LIN28B: variants seen among roughly 807,000 people sequenced by gnomAD.
LIN28B encodes protein lin-28 homolog B.
In LIN28B, 5 loss-of-function variants were observed where a neutral mutation model predicts 21.9. The observed-to-expected ratio is 0.23, with a 90% CI of 0.12 to 0.48. The LOEUF is 0.48. LIN28B is among the 20% of genes least tolerant of loss of function. The pLI, the probability that LIN28B is intolerant of heterozygous loss-of-function variation, is 0.98. For synonymous variants in LIN28B, 109 were observed against 111.3 expected, an observed-to-expected ratio of 0.98 and a Z score of 0.13; for missense variants, 245 against 310.5, an observed-to-expected ratio of 0.79 and a Z score of 1.58.
At chr6:105,011,003 G>A (rs1464013500) in intron 2 of LIN28B, among the ~76,000 whole-genome samples, 1 of 152,034 alleles carries the variant, frequency 6.6e-6, no homozygotes, top group Non-Finnish European at 1.5e-5. Flanking sequence ...GCTATTGTTG[G>A]GAGATAACTT....
intron 3 of LIN28B, among the ~76,000 whole-genome samples, chr6:105,049,361 G>A (rs1174095566): frequency 6.6e-6 from 1 of 152,146 alleles, no homozygotes; most frequent in Non-Finnish European, 1.5e-5. Flanking sequence ...ACTGTGGCCT[G>A]AGAGACAGTT....
rs763283560 is a variant in LIN28B, at chr6:104,958,148, G to C, written c.60G>C (p.Pro20=). 6.2e-7 allele frequency: 1 copy of C among 1,606,530 alleles called. No homozygotes were observed. The change falls in exon 2 of 4, where the codon CCG becomes CCC. Residue 20 remains proline, a synonymous_variant. Coordinates refer to ENST00000345080, the MANE Select transcript of LIN28B (RefSeq NM_001004317.4). ...GGEEPGKLPE[P]AEEESQVLRG... is the part of the protein sequence containing the mutation. ...AAGAGCCCGGGAAGCTGCCGGAGCC[G>C]GCAGAGGAGGAATCCCAGGTTTTGC...
chr6:104,994,284 G>A (rs1047486244), intron 2 of LIN28B, among the ~76,000 whole-genome samples: 4 of 152,200 alleles, frequency 2.6e-5, no homozygotes, highest in South Asian at 2.1e-4. Flanking sequence ...GATTACAGGC[G>A]TGAGCCACCG....
chr6:105,005,132 C>G (rs1205638389), intron 2 of LIN28B, among the ~76,000 whole-genome samples: 1 of 152,148 alleles, frequency 6.6e-6, no homozygotes, highest in Non-Finnish European at 1.5e-5. Flanking sequence ...TCCACATTTT[C>G]AAAGTATCGT....
At chr6:105,076,729 C>T (rs1772431826) in intron 3 of LIN28B, among the ~76,000 whole-genome samples, 2 of 151,730 alleles carry the variant, frequency 1.3e-5, no homozygotes, top group Admixed American at 6.6e-5. Context: ...CTCAGCCTCC[C>T]GAGTAGCTTG....
chr6:104,998,813 T>C (rs1369767328), intron 2 of LIN28B, among the ~76,000 whole-genome samples: 1 of 152,168 alleles, frequency 6.6e-6, no homozygotes, highest in East Asian at 1.9e-4. Flanking sequence ...AAATTAAGTA[T>C]GTATGTACGG....
At chr6:104,969,366 G>C (rs992381717) in intron 2 of LIN28B, among the ~76,000 whole-genome samples, 1 of 152,112 alleles carries the variant, frequency 6.6e-6, no homozygotes, top group Non-Finnish European at 1.5e-5. Context: ...ACAGAAGCCA[G>C]GGTCAGAACT....
chr6:105,063,454 G>A (rs981985687), intron 3 of LIN28B, among the ~76,000 whole-genome samples: 2 of 152,070 alleles, frequency 1.3e-5, no homozygotes, highest in African/African-American at 2.4e-5. Context: ...TGGCCAACAT[G>A]GTAAAAACCC....
intron 3 of LIN28B, among the ~76,000 whole-genome samples, chr6:105,033,194 T>C (rs181996606): frequency 1.3e-5 from 2 of 152,288 alleles, no homozygotes; most frequent in Non-Finnish European, 1.5e-5. Flanking sequence ...GAAAAGAATA[T>C]CCTTTTTCTT....
intron 2 of LIN28B, among the ~76,000 whole-genome samples, chr6:105,001,121 A>C (rs562474167): frequency 5.9e-5 from 9 of 152,330 alleles, no homozygotes; most frequent in African/African-American, 2.2e-4. Context: ...AGTAAACAAG[A>C]AGATCTTCTA....
intron 2 of LIN28B, among the ~76,000 whole-genome samples, chr6:105,023,313 AT>A (rs1247040658): frequency 7.3e-5 from 2 of 27,332 alleles, no homozygotes; most frequent in African/African-American, 1.3e-4. Context: ...ATATAATTAT[AT>A]TATATATAAT....
At chr6:105,075,362 C>T (rs1483352360) in intron 3 of LIN28B, among the ~76,000 whole-genome samples, 8 of 152,094 alleles carry the variant, frequency 5.3e-5, no homozygotes, top group Non-Finnish European at 5.9e-5. Context: ...TTGTGAGCTG[C>T]AAGGTAGCTG....
chr6:105,038,058 T>TTTAAAAGAAGGTACAA (rs1410718981), intron 3 of LIN28B, among the ~76,000 whole-genome samples: 1 of 152,094 alleles, frequency 6.6e-6, no homozygotes. Context: ...GAAAGATCTT[T>TTTAAAAGAAGGTACAA]TTAAAAGAAG....
At chr6:104,981,351 A>G (rs1770220101) in intron 2 of LIN28B, among the ~76,000 whole-genome samples, 1 of 152,196 alleles carries the variant, frequency 6.6e-6, no homozygotes, top group Admixed American at 6.5e-5. Flanking sequence ...GAAATTGACC[A>G]GGTTCCTGTG....
intron 2 of LIN28B, among the ~76,000 whole-genome samples, chr6:105,020,277 CT>C (rs1771111349): frequency 6.6e-6 from 1 of 151,458 alleles, no homozygotes; most frequent in African/African-American, 2.4e-5. Flanking sequence ...CACCTGGCCC[CT>C]GTTCATATTA....
intron 3 of LIN28B, among the ~76,000 whole-genome samples, chr6:105,031,719 T>C (rs542850948): frequency 1.3e-5 from 2 of 152,150 alleles, no homozygotes; most frequent in Non-Finnish European, 2.9e-5. Flanking sequence ...ATTTTTTTAG[T>C]AGAGACGGAG....
At chr6:105,024,686 C>T (rs938920346) in intron 2 of LIN28B, among the ~76,000 whole-genome samples, 1 of 152,194 alleles carries the variant, frequency 6.6e-6, no homozygotes, top group African/African-American at 2.4e-5. Flanking sequence ...GCACTAGAAG[C>T]AGGTTAATAA....
At chr6:104,977,608 G>A (rs189562852) in intron 2 of LIN28B, among the ~76,000 whole-genome samples, 7 of 152,062 alleles carry the variant, frequency 4.6e-5, no homozygotes, top group Admixed American at 4.6e-4. Context: ...CACTCTGGCA[G>A]CCAGGCTGGA....
At chr6:104,951,298 T>A (rs1017217101) in intron 3 of LIN28B, among the ~76,000 whole-genome samples, 1 of 152,144 alleles carries the variant, frequency 6.6e-6, no homozygotes, top group Non-Finnish European at 1.5e-5. Context: ...ATTCTGTTAT[T>A]AAACTTTTCA....
Sources: allele counts gnomAD v4.1 joint callset (sites outside exome capture counted in the v4.1 genomes callset), GRCh38; gene constraint gnomAD v4.1.1; transcripts MANE v1.5; gene names NCBI Gene and HGNC (gene_info 2026-07-23, HGNC 2026-07-21).